The following CNBD1 variants were observed in gnomAD, a reference collection of about 807,000 sequenced individuals.
CNBD1 encodes the protein cyclic nucleotide-binding domain-containing protein 1.
Under a neutral mutation model 54.4 loss-of-function variants are expected in CNBD1, and 71 were observed. That is an observed-to-expected ratio of 1.30 (90% confidence interval 1.08 to 1.59). The LOEUF is 1.59. CNBD1 is among the 40% of genes most tolerant of loss of function. The pLI is 0.00. For synonymous variants in CNBD1, 182 were observed against 170.7 expected, an observed-to-expected ratio of 1.07 and a Z score of -0.51; for missense variants, 659 against 518.0, an observed-to-expected ratio of 1.27 and a Z score of -2.64.
At chr8:87,402,150 C>G (rs1275761780) in intron 2 of CNBD1, among the ~76,000 whole-genome samples, 1 of 151,872 alleles carries the variant, frequency 6.6e-6, no homozygotes, top group African/African-American at 2.4e-5. Context: ...GGGGAACAGC[C>G]TTTTATAAAA....
intron 4 of CNBD1, among the ~76,000 whole-genome samples, chr8:87,085,087 A>C (rs1249132648): frequency 6.6e-6 from 1 of 152,038 alleles, no homozygotes; most frequent in Non-Finnish European, 1.5e-5. Context: ...TTATCTTTTC[A>C]AGTATTTCTT....
Position 86,883,947 on chromosome 8 carries a change from C to A in CNBD1, c.89-3595C>A, listed in dbSNP as rs964772834. 1.1e-3 allele frequency among the ~76,000 whole-genome samples: 171 copies of A among 152,036 alleles called. 1 individual carries two copies. The highest frequency in any genetic ancestry group is 2.9e-4 in the Non-Finnish European group (20 of 67,976). On this transcript the variant is annotated intron_variant, in intron 1 of 10. Transcript: ENST00000518476. ...TGGGCGGATCACGAGGTCAGGAGATCGAGACCATCCCGGCTAAAACGGTGA... is the reference window on the plus strand; with the variant it reads ...TGGGCGGATCACGAGGTCAGGAGATAGAGACCATCCCGGCTAAAACGGTGA...
At chr8:87,344,671 T>C (rs180933103) in intron 8 of CNBD1, among the ~76,000 whole-genome samples, 1 of 152,174 alleles carries the variant, frequency 6.6e-6, no homozygotes, top group Non-Finnish European at 1.5e-5. Flanking sequence ...AAATTAATTA[T>C]TGTGAAATTA....
At chr8:87,018,859 C>T (rs1008580495) in intron 4 of CNBD1, among the ~76,000 whole-genome samples, 5 of 152,046 alleles carry the variant, frequency 3.3e-5, no homozygotes, top group Admixed American at 6.6e-5. Context: ...ATCAAACCCT[C>T]CAAATCAAAA....
intron 4 of CNBD1, among the ~76,000 whole-genome samples, chr8:86,971,229 A>G (rs1808212260): frequency 6.6e-6 from 1 of 152,198 alleles, no homozygotes; most frequent in Non-Finnish European, 1.5e-5. Flanking sequence ...AAGGGGAAGG[A>G]AGGCACATAT....
chr8:86,921,129 C>T (rs1244927113), intron 3 of CNBD1, among the ~76,000 whole-genome samples: 4 of 152,142 alleles, frequency 2.6e-5, no homozygotes, highest in Admixed American at 2.6e-4. Flanking sequence ...CTTTCTCTAG[C>T]ATAGCTGAAA....
At position 87,299,132 on chromosome 8, in the gene CNBD1, A is replaced by C. The variant is rs551230813; in HGVS notation, c.1042+12461A>C. The stretch of plus-strand genomic sequence containing the variant: ...AACTGCCTGTGGGTTTGCAGAGGTA[A>C]GAGTATCACGACACCAGTCAGTACA... On this transcript the variant is annotated intron_variant, in intron 8 of 10. Transcript: ENST00000518476. 2.0e-5 allele frequency among the ~76,000 whole-genome samples: 3 copies of C among 152,310 alleles called. No homozygotes were observed. The South Asian group carries it at 6.2e-4, about 32-fold the overall frequency.
chr8:87,209,741 GCT>G (rs1814052874), intron 5 of CNBD1, among the ~76,000 whole-genome samples: 1 of 152,090 alleles, frequency 6.6e-6, no homozygotes, highest in South Asian at 2.1e-4. Context: ...AAAGAACAAA[GCT>G]AGAGGCATCA....
chr8:87,174,257 C>G (rs961543133), intron 4 of CNBD1, among the ~76,000 whole-genome samples: 3 of 152,086 alleles, frequency 2.0e-5, no homozygotes, highest in African/African-American at 7.2e-5. Context: ...CACGCCTGGC[C>G]TCTTTTTTAT....
intron 4 of CNBD1, among the ~76,000 whole-genome samples, chr8:87,121,086 A>T (rs1281047221): frequency 6.6e-6 from 1 of 151,882 alleles, no homozygotes; most frequent in Non-Finnish European, 1.5e-5. Flanking sequence ...ATACAGAGTT[A>T]TTCAGATTTT....
intron 4 of CNBD1, among the ~76,000 whole-genome samples, chr8:87,008,188 A>G (rs944471730): frequency 2.0e-5 from 3 of 152,228 alleles, no homozygotes; most frequent in African/African-American, 7.2e-5. Context: ...CAGGGCTAAT[A>G]TAATGGGTGG....
At chr8:87,386,737 A>C (rs1811197826), downstream of CNBD1, among the ~76,000 whole-genome samples, 2 of 152,202 alleles carry the variant, frequency 1.3e-5, no homozygotes, top group Non-Finnish European at 1.5e-5. Flanking sequence ...CCAACATTCA[A>C]ATTCAGGAAA....
chr8:87,281,628 C>T (rs897553549), intron 6 of CNBD1, among the ~76,000 whole-genome samples: 1 of 127,392 alleles, frequency 7.8e-6, no homozygotes, highest in African/African-American at 2.9e-5. Flanking sequence ...TATATTAAAA[C>T]TTAGACTTGG....
chr8:86,902,427 T>C (rs998315025), intron 2 of CNBD1, among the ~76,000 whole-genome samples: 2 of 152,216 alleles, frequency 1.3e-5, no homozygotes, highest in East Asian at 1.9e-4. Context: ...TTTTAATACA[T>C]GAGAAAAATG....
intron 10 of CNBD1, among the ~76,000 whole-genome samples, chr8:87,382,033 A>T (rs1285373213): frequency 6.6e-6 from 1 of 152,018 alleles, no homozygotes; most frequent in Non-Finnish European, 1.5e-5. Context: ...CATTTTAAAA[A>T]ATAAATAGAA....
At chr8:87,370,503 C>T (rs368012873) in intron 10 of CNBD1, among the ~76,000 whole-genome samples, 8 of 152,012 alleles carry the variant, frequency 5.3e-5, no homozygotes, top group South Asian at 2.1e-4. Context: ...TTTCATGTGT[C>T]TTTTGGCTGC....
chr8:87,015,545 A>G (rs576846356), intron 4 of CNBD1, among the ~76,000 whole-genome samples: 1 of 152,262 alleles, frequency 6.6e-6, no homozygotes, highest in Non-Finnish European at 1.5e-5. Context: ...TAATCTGTTT[A>G]ACATTTTTCA....
chr8:87,227,042 A>G (rs1814515961), intron 5 of CNBD1, among the ~76,000 whole-genome samples: 1 of 150,884 alleles, frequency 6.6e-6, no homozygotes, highest in African/African-American at 2.4e-5. Flanking sequence ...AGTCTGTTTT[A>G]TCAGAGACTA....
intron 9 of CNBD1, 67 bp from the exon 10 acceptor site, chr8:87,353,569 A>G (rs1810349879): frequency 9.5e-7 from 1 of 1,053,148 alleles, no homozygotes; most frequent in Non-Finnish European, 1.4e-6. Context: ...AGTTTCTGAT[A>G]AAAACAATAC....
Sources: gnomAD v4.1 joint callset for allele counts (sites outside exome capture counted in the v4.1 genomes callset) on GRCh38, gnomAD v4.1.1 for gene constraint, MANE v1.5 for transcripts, NCBI Gene and HGNC (gene_info 2026-07-23, HGNC 2026-07-21) for gene names.